PARD3: variants seen among roughly 807,000 people sequenced by gnomAD.
PARD3 encodes partitioning defective 3 homolog.
A neutral mutation model predicts 155.4 loss-of-function variants in PARD3; 75 were observed. The ratio of observed to expected loss-of-function variants is 0.48; its 90% CI spans 0.40 to 0.58. The LOEUF (loss-of-function observed/expected upper bound fraction) is 0.58. Among genes scored for constraint, PARD3 ranks in the 20% least tolerant of loss-of-function variants. The pLI, the probability that PARD3 is intolerant of heterozygous loss-of-function variation, is 0.00. For missense variants in PARD3, 1,642 were observed against 1,721.7 expected (o/e 0.95, Z 0.82); for synonymous variants, 576 against 610.5 (o/e 0.94, Z 0.83).
intron 3 of PARD3, among the ~76,000 whole-genome samples, chr10:34,484,374 C>T (rs996408884): frequency 3.9e-5 from 6 of 152,194 alleles, no homozygotes; most frequent in African/African-American, 4.8e-5. Context: ...GAACGACTCT[C>T]ATAAATCTTT....
chr10:34,264,668 C>T (rs183320335), intron 22 of PARD3, among the ~76,000 whole-genome samples: 12 of 152,060 alleles, frequency 7.9e-5, no homozygotes, highest in East Asian at 3.9e-4. Context: ...GTCAGAACTA[C>T]GTCACATGGT....
chr10:34,436,063 C>A (rs1236825723), intron 5 of PARD3, among the ~76,000 whole-genome samples: 2 of 152,084 alleles, frequency 1.3e-5, no homozygotes, highest in Admixed American at 6.5e-5. Context: ...AAATATGAAT[C>A]AAATACGAAA....
At chr10:34,449,837 G>A (rs2076963756) in intron 5 of PARD3, among the ~76,000 whole-genome samples, 1 of 152,180 alleles carries the variant, frequency 6.6e-6, no homozygotes, top group South Asian at 2.1e-4. Context: ...TGAAATTTAT[G>A]AAGGGATAAG....
At position 34,756,150 on chromosome 10, in the gene PARD3, C is replaced by CTTTTT. The variant is rs58993670; in HGVS notation, c.120+58721_120+58725dup. Among the ~76,000 whole-genome samples, 193 of 94,544 alleles carry CTTTTT rather than the reference C, an allele frequency of 2.0e-3. 11 individuals carry two copies. Among genetic ancestry groups the CTTTTT allele is most frequent in the African/African-American group, 6.4e-3 (151 of 23,710 alleles). 62.0% of individuals were successfully genotyped at this position (94,544 alleles called of 152,430 possible). A position where few individuals can be genotyped will look rare whatever the true frequency, so the allele number is the denominator to read the frequency against. Reference sequence around the variant, plus strand: ...ATCTCCCCATGGCAAAAAAATGCACCTTTTTTTTTTTTTTTTTTTTTGAGA... The same window carrying CTTTTT: ...ATCTCCCCATGGCAAAAAAATGCACCTTTTTTTTTTTTTTTTTTTTTTTTTTGAGA... On this transcript the variant is annotated intron_variant, in intron 1 of 24. Coordinates refer to ENST00000374788, the MANE Select transcript of PARD3 (RefSeq NM_001184785.2).
intron 1 of PARD3, among the ~76,000 whole-genome samples, chr10:34,755,856 T>C (rs1836644978): frequency 6.6e-6 from 1 of 152,162 alleles, no homozygotes; most frequent in Non-Finnish European, 1.5e-5. Flanking sequence ...CAGGCATTAA[T>C]GTTAAGGCCC....
At chr10:34,229,391 A>T (rs148393006) in intron 22 of PARD3, among the ~76,000 whole-genome samples, 3 of 151,930 alleles carry the variant, frequency 2.0e-5, no homozygotes, top group African/African-American at 7.3e-5. Context: ...AGCTAATTTT[A>T]GAATTTTAGA....
At chr10:34,487,345 G>A (rs183787864) in intron 3 of PARD3, among the ~76,000 whole-genome samples, 2 of 151,780 alleles carry the variant, frequency 1.3e-5, no homozygotes, top group East Asian at 3.9e-4. Flanking sequence ...TCTACCCCCA[G>A]TTTTTAATCC....
chr10:34,548,562 G>C (rs1233923297), intron 2 of PARD3, among the ~76,000 whole-genome samples: 1 of 150,892 alleles, frequency 6.6e-6, no homozygotes, highest in Admixed American at 6.6e-5. Flanking sequence ...TAAGATAACA[G>C]AAAAAAAAAT....
At chr10:34,814,807 A>G in intron 1 of PARD3, 69 bp downstream of exon 1, 1 of 1,253,222 alleles carries the variant, frequency 8.0e-7, no homozygotes, top group Non-Finnish European at 1.1e-6. Context: ...CCCTTCCAGG[A>G]AGCGCCATAT....
At chr10:34,333,873 G>C (rs980639850) in intron 18 of PARD3, among the ~76,000 whole-genome samples, 1 of 151,898 alleles carries the variant, frequency 6.6e-6, no homozygotes, top group Admixed American at 6.6e-5. Context: ...CAAAGGTTTT[G>C]AATGATATGT....
At chr10:34,167,970 T>C (rs1949612507) in intron 22 of PARD3, among the ~76,000 whole-genome samples, 1 of 152,194 alleles carries the variant, frequency 6.6e-6, no homozygotes, top group South Asian at 2.1e-4. Context: ...GGCCTTCATG[T>C]TCCCAGGGGT....
At chr10:34,639,466 T>C (rs2092597198) in intron 2 of PARD3, among the ~76,000 whole-genome samples, 1 of 152,202 alleles carries the variant, frequency 6.6e-6, no homozygotes, top group Admixed American at 6.5e-5. Context: ...TTTCATGCCC[T>C]AGGGCACATC....
intron 3 of PARD3, among the ~76,000 whole-genome samples, chr10:34,511,869 T>C (rs2081417633): frequency 6.6e-6 from 1 of 152,130 alleles, no homozygotes; most frequent in Non-Finnish European, 1.5e-5. Context: ...GCGAGTGCAG[T>C]CACACACCAC....
intron 3 of PARD3, among the ~76,000 whole-genome samples, chr10:34,479,984 G>C (rs2078968767): frequency 6.6e-6 from 1 of 152,220 alleles, no homozygotes; most frequent in African/African-American, 2.4e-5. Context: ...GAGGGCCACA[G>C]CTGCACAAAA....
intron 22 of PARD3, among the ~76,000 whole-genome samples, chr10:34,214,929 C>T (rs547132084): frequency 4.6e-5 from 7 of 152,180 alleles, no homozygotes; most frequent in Admixed American, 3.3e-4. Context: ...AAGGGTGAGA[C>T]GCAGTCAGGA....
intron 2 of PARD3, among the ~76,000 whole-genome samples, chr10:34,573,929 G>C (rs1343618685): frequency 6.6e-6 from 1 of 152,124 alleles, no homozygotes. Flanking sequence ...GAAGGCATTT[G>C]TTTCCAGTTT....
intron 22 of PARD3, among the ~76,000 whole-genome samples, chr10:34,208,395 A>G (rs987370404): frequency 7.2e-5 from 11 of 152,224 alleles, no homozygotes; most frequent in African/African-American, 2.7e-4. Context: ...CAATTGTTCT[A>G]TAAGAGAACA....
intron 22 of PARD3, among the ~76,000 whole-genome samples, chr10:34,222,277 T>TAA: frequency 6.6e-6 from 1 of 152,176 alleles, no homozygotes; most frequent in Non-Finnish European, 1.5e-5. Flanking sequence ...AAAGTATGTA[T>TAA]TAACAGCTAG....
At chr10:34,761,346 G>C (rs1017707771) in intron 1 of PARD3, among the ~76,000 whole-genome samples, 1 of 152,170 alleles carries the variant, frequency 6.6e-6, no homozygotes, top group Non-Finnish European at 1.5e-5. Flanking sequence ...AGGAGGCTGA[G>C]GTTGCAGTGA....
Sources: gnomAD v4.1 joint callset for allele counts (sites outside exome capture counted in the v4.1 genomes callset) on GRCh38, gnomAD v4.1.1 for gene constraint, MANE v1.5 for transcripts, NCBI Gene and HGNC (gene_info 2026-07-23, HGNC 2026-07-21) for gene names.